SLC12A6: variants seen among roughly 807,000 people sequenced by gnomAD.
SLC12A6 encodes solute carrier family 12 member 6.
A neutral mutation model predicts 135.3 loss-of-function variants in SLC12A6; 66 were observed. The observed-to-expected ratio is 0.49, with a 90% CI of 0.40 to 0.60. The LOEUF is 0.60. Among genes scored for constraint, SLC12A6 ranks in the 20% least tolerant of loss-of-function variants. The pLI is 0.00. For synonymous variants in SLC12A6, 513 were observed against 508.8 expected (o/e 1.01, Z -0.11); for missense variants, 1,058 against 1,452.3 (o/e 0.73, Z 4.41).
intron 2 of SLC12A6, among the ~76,000 whole-genome samples, chr15:34,333,496 G>T (rs1890000626): frequency 6.6e-6 from 1 of 151,970 alleles, no homozygotes; most frequent in Non-Finnish European, 1.5e-5. Flanking sequence ...CTCCCAAAGT[G>T]CTAGGATTAC....
intron 2 of SLC12A6, among the ~76,000 whole-genome samples, chr15:34,289,179 G>T (rs1272768952): frequency 6.6e-6 from 1 of 152,100 alleles, no homozygotes; most frequent in Non-Finnish European, 1.5e-5. Flanking sequence ...AGTTTATTCA[G>T]AGTTTTTACC....
intron 2 of SLC12A6, among the ~76,000 whole-genome samples, chr15:34,309,304 T>C (rs1470337267): frequency 6.6e-6 from 1 of 152,236 alleles, no homozygotes; most frequent in South Asian, 2.1e-4. Context: ...AAAAATCTTT[T>C]GAATATTTTA....
chr15:34,315,717 G>A (rs528680992), intron 2 of SLC12A6, among the ~76,000 whole-genome samples: 1 of 152,272 alleles, frequency 6.6e-6, no homozygotes, highest in East Asian at 1.9e-4. Flanking sequence ...CAGGCGCAGT[G>A]GCTTACGCCT....
rs181007512 is a variant in SLC12A6, at chr15:34,270,172, G to A, written c.316+5173C>T. Among the ~76,000 whole-genome samples, 43 of 151,768 alleles carry A rather than the reference G, an allele frequency of 2.8e-4. 2 individuals carry two copies. Among genetic ancestry groups the A allele is most frequent in the Admixed American group, 9.8e-4 (15 of 15,262 alleles). On this transcript the variant is annotated intron_variant, in intron 3 of 25. Coordinates refer to ENST00000354181, the MANE Select transcript of SLC12A6 (RefSeq NM_001365088.1). Reference sequence around the variant, plus strand: ...TTTAGAGACAGGGTATCACTCTGTCGCGGAGTACAGTGGCACCATCACAGC... The same window carrying A: ...TTTAGAGACAGGGTATCACTCTGTCACGGAGTACAGTGGCACCATCACAGC...
chr15:34,331,420 C>T (rs1281098726), intron 2 of SLC12A6, among the ~76,000 whole-genome samples: 1 of 152,168 alleles, frequency 6.6e-6, no homozygotes, highest in Non-Finnish European at 1.5e-5. Context: ...AGATTACAGG[C>T]GTGAGCCACC....
chr15:34,261,400 G>A (rs753377313), intron 3 of SLC12A6, among the ~76,000 whole-genome samples: 4 of 152,076 alleles, frequency 2.6e-5, no homozygotes, highest in Non-Finnish European at 5.9e-5. Flanking sequence ...TGGTTCAAGC[G>A]ATTCTCCTGT....
At position 34,229,971 on chromosome 15, in the gene SLC12A6, A is replaced by G; in HGVS notation, c.*3910T>C. 1 of 645,988 alleles carries G rather than the reference A, an allele frequency of 1.5e-6. No homozygotes were observed. Among genetic ancestry groups the G allele is most frequent in the South Asian group, 1.8e-5 (1 of 55,754 alleles). 40.0% of individuals were successfully genotyped at this position (645,988 alleles called of 1,614,324 possible). On this transcript the variant is annotated 3_prime_UTR_variant, in exon 26 of 26. Transcript: ENST00000354181. ...CAATGTGCATATTACGACAAACACA[A>G]AGAAACTATACCATAACCCAAGGCT...
At chr15:34,287,538 C>T (rs347805) in intron 2 of SLC12A6, among the ~76,000 whole-genome samples, 58,536 of 152,016 alleles carry the variant, frequency 0.39, 14,326 homozygotes, top group African/African-American at 0.71. Context: ...TTCTAGATCC[C>T]TGAGGAATCA....
At chr15:34,248,568 C>CCACA (rs34055235) in intron 13 of SLC12A6, among the ~76,000 whole-genome samples, 3,337 of 149,466 alleles carry the variant, frequency 0.022, 58 homozygotes, top group Middle Eastern at 0.092. Flanking sequence ...ACACCCCCAC[C>CCACA]CACACACACA....
intron 2 of SLC12A6, among the ~76,000 whole-genome samples, chr15:34,275,621 CA>C (rs1346614270): frequency 6.6e-6 from 1 of 151,926 alleles, no homozygotes; most frequent in East Asian, 1.9e-4. Flanking sequence ...ATTATACTTC[CA>C]AAATAATTGA....
chr15:34,323,026 G>T (rs368210363), intron 2 of SLC12A6, among the ~76,000 whole-genome samples: 42 of 89,294 alleles, frequency 4.7e-4, no homozygotes, highest in Non-Finnish European at 9.2e-4. Flanking sequence ...AAAAATAAAA[G>T]AAAATTTTCA....
intron 3 of SLC12A6, among the ~76,000 whole-genome samples, chr15:34,261,735 C>G (rs919155785): frequency 6.6e-6 from 1 of 152,212 alleles, no homozygotes; most frequent in Non-Finnish European, 1.5e-5. Context: ...AGCTCTCTGC[C>G]TCCACAGCTG....
intron 2 of SLC12A6, among the ~76,000 whole-genome samples, chr15:34,292,559 T>G (rs1473862687): frequency 6.6e-6 from 1 of 152,202 alleles, no homozygotes; most frequent in Non-Finnish European, 1.5e-5. Context: ...CTGGAGAAGC[T>G]GTCTGCTGCC....
chr15:34,250,966 T>A lies in SLC12A6; in HGVS notation c.1425A>T (p.Glu475Asp). The part of the protein sequence containing the change: ...SSDVLGSLNH[E>D]YVLVDITTSF... ...AGGTGGTGATGTCAACAAGAACATATTCATGGTTTAAGCTGCCTAAGACAT... is the reference window on the plus strand; with the variant it reads ...AGGTGGTGATGTCAACAAGAACATAATCATGGTTTAAGCTGCCTAAGACAT... The change falls in exon 11 of 26, where the codon GAA (glutamate) becomes GAT (aspartate). Residue 475 changes from glutamate (E) to aspartate (D), a missense_variant. Coordinates refer to ENST00000354181, the MANE Select transcript of SLC12A6 (RefSeq NM_001365088.1). 1 of 1,612,064 alleles carries A rather than the reference T, an allele frequency of 6.2e-7. No homozygotes were observed. The highest frequency in any genetic ancestry group is 8.5e-7 in the Non-Finnish European group (1 of 1,178,154).
chr15:34,270,577 C>A (rs548494953), intron 3 of SLC12A6, among the ~76,000 whole-genome samples: 1 of 151,994 alleles, frequency 6.6e-6, no homozygotes, highest in South Asian at 2.1e-4. Flanking sequence ...ACGAGACAGG[C>A]GGATCACTTG....
chr15:34,332,259 C>T (rs2141190204), intron 2 of SLC12A6, among the ~76,000 whole-genome samples: 1 of 152,266 alleles, frequency 6.6e-6, no homozygotes, highest in East Asian at 1.9e-4. Context: ...TCTTTAACAC[C>T]CAACATCTTT....
intron 3 of SLC12A6, among the ~76,000 whole-genome samples, chr15:34,263,324 T>C (rs1371459831): frequency 1.3e-5 from 2 of 152,134 alleles, no homozygotes; most frequent in Non-Finnish European, 2.9e-5. Context: ...GCAGGAGGAT[T>C]CCTTGAGCCC....
chr15:34,270,341 T>C (rs1371655519), intron 3 of SLC12A6, among the ~76,000 whole-genome samples: 4 of 148,774 alleles, frequency 2.7e-5, no homozygotes, highest in African/African-American at 1.0e-4. Context: ...TCCTCCTACC[T>C]CCCTCCTCAG....
intron 2 of SLC12A6, among the ~76,000 whole-genome samples, chr15:34,324,378 T>C (rs1246031151): frequency 2.0e-5 from 3 of 152,210 alleles, no homozygotes. Context: ...ATTACTCCCA[T>C]AGTGCTTTAT....
Sources: allele counts gnomAD v4.1 joint callset (sites outside exome capture counted in the v4.1 genomes callset), GRCh38; gene constraint gnomAD v4.1.1; transcripts MANE v1.5; gene names NCBI Gene and HGNC (gene_info 2026-07-23, HGNC 2026-07-21).